IFNB1: variants seen among roughly 807,000 people sequenced by gnomAD.
IFNB1 encodes the protein interferon beta.
For missense variants in IFNB1, 267 were observed against 210.5 expected, an observed-to-expected ratio of 1.27 and a Z score of -1.66; for synonymous variants, 99 against 80.4, an observed-to-expected ratio of 1.23 and a Z score of -1.24.
Position 21,077,164 on chromosome 9 carries a change from C to T in IFNB1, c.*142G>A, listed in dbSNP as rs912255890. ...ATAAAATTTAAATAAATAAAAATAA[C>T]TCATAATTTAATAAAAATTTCAAAA... is the stretch of plus-strand genomic sequence containing the variant. On this transcript the variant is annotated 3_prime_UTR_variant, in exon 1 of 1. Coordinates refer to ENST00000380232, the MANE Select transcript of IFNB1 (RefSeq NM_002176.4). 6.9e-5 allele frequency: 30 copies of T among 435,588 alleles called. 1 individual carries two copies. In the Admixed American group the frequency reaches 1.2e-3, roughly 17 times the overall value. The allele number at this position is 435,588 out of a possible 1,614,324, so 27.0% of individuals were successfully genotyped here.
chr9:21,077,781 A>G lies in IFNB1; in HGVS notation c.89T>C (p.Leu30Pro), dbSNP rs768793364. Residue 30 changes from leucine to proline, a missense_variant, in exon 1 of 1, where the codon CTA (leucine) becomes CCA (proline). Leu to Pro is a moderately conservative substitution (Grantham distance 98). Transcript: ENST00000380232. ...LSMSYNLLGFLQRSSNFQCQK... is the reference protein window; with the variant it reads ...LSMSYNLLGFPQRSSNFQCQK... Reference sequence around the variant, plus strand: ...ACACTGAAAATTGCTGCTTCTTTGTAGGAATCCAAGCAAGTTGTAGCTCAT... The same window carrying G: ...ACACTGAAAATTGCTGCTTCTTTGTGGGAATCCAAGCAAGTTGTAGCTCAT... The G allele has an allele frequency of 4.3e-6, 7 of 1,613,882 alleles. No individual in the cohort carries two copies. In the South Asian group the frequency reaches 6.6e-5, roughly 15 times the overall value.
At position 21,077,284 on chromosome 9, in the gene IFNB1, A is replaced by G; in HGVS notation, c.*22T>C. 6.5e-7 allele frequency: 1 copy of G among 1,542,428 alleles called. No homozygotes were observed. Among genetic ancestry groups the G allele is most frequent in the Non-Finnish European group, 8.9e-7 (1 of 1,125,190 alleles). On this transcript the variant is annotated 3_prime_UTR_variant, in exon 1 of 1. Coordinates refer to ENST00000380232, the MANE Select transcript of IFNB1 (RefSeq NM_002176.4). Reference sequence around the variant, plus strand: ...ATGCTTGAAGCAATTGTCCAGTCCCAGAGGCACAGGCTAGGAGATCTTCAG... The same window carrying G: ...ATGCTTGAAGCAATTGTCCAGTCCCGGAGGCACAGGCTAGGAGATCTTCAG...
chr9:21,077,240 A>G lies in IFNB1; in HGVS notation c.*66T>C, dbSNP rs1444960123. 5 of 1,061,854 alleles carry G rather than the reference A, an allele frequency of 4.7e-6. No homozygotes were observed. Among genetic ancestry groups the G allele is most frequent in the Non-Finnish European group, 7.0e-6 (5 of 712,146 alleles). 65.8% of individuals were successfully genotyped at this position (1,061,854 alleles called of 1,614,324 possible). ...TACATTAGCCATCAGTCACTTAAAC[A>G]GCATCTGCTGGTTGAAGAATGCTTG... is the stretch of plus-strand genomic sequence containing the variant. On this transcript the variant is annotated 3_prime_UTR_variant, in exon 1 of 1. Coordinates refer to ENST00000380232, the MANE Select transcript of IFNB1 (RefSeq NM_002176.4).
chr9:21,077,225 A>G lies in IFNB1; in HGVS notation c.*81T>C, dbSNP rs1339750150. The G allele has an allele frequency of 3.5e-6, 3 of 847,600 alleles. No homozygotes were observed. Among genetic ancestry groups the G allele is most frequent in the East Asian group, 4.9e-5 (2 of 41,186 alleles). 52.5% of individuals were successfully genotyped at this position (847,600 alleles called of 1,614,324 possible). A position where few individuals can be genotyped will look rare whatever the true frequency, so the allele number is the denominator to read the frequency against. Reference sequence around the variant, plus strand: ...TCCTTTCATATGCAGTACATTAGCCATCAGTCACTTAAACAGCATCTGCTG... The same window carrying G: ...TCCTTTCATATGCAGTACATTAGCCGTCAGTCACTTAAACAGCATCTGCTG... On this transcript the variant is annotated 3_prime_UTR_variant, in exon 1 of 1. Coordinates refer to ENST00000380232, the MANE Select transcript of IFNB1 (RefSeq NM_002176.4).
Position 21,077,681 on chromosome 9 carries a change from C to T in IFNB1, c.189G>A (p.Glu63=). The T allele has an allele frequency of 6.2e-7, 1 of 1,613,970 alleles. No individual in the cohort carries two copies. Among genetic ancestry groups the T allele is most frequent in the South Asian group, 1.1e-5 (1 of 91,076 alleles). ...GGAACTGCTGCAGCTGCTTAATCTC[C>T]TCAGGGATGTCAAAGTTCATCCTGT... The part of the protein sequence containing the change: ...LKDRMNFDIP[E]EIKQLQQFQK... Residue 63 remains glutamate (E), a synonymous_variant, in exon 1 of 1, where the codon GAG becomes GAA. Coordinates refer to ENST00000380232, the MANE Select transcript of IFNB1 (RefSeq NM_002176.4).
rs139325335 is a variant in IFNB1, at chr9:21,077,409, A to C, written c.461T>G (p.Leu154Arg). 398 of 1,613,480 alleles carry C rather than the reference A, an allele frequency of 2.5e-4. 1 individual carries two copies. The highest frequency in any genetic ancestry group is 3.0e-4 in the Non-Finnish European group (357 of 1,179,560). ...KRYYGRILHYLKAKEYSHCAW... is the reference protein window; with the variant it reads ...KRYYGRILHYRKAKEYSHCAW... The stretch of plus-strand genomic sequence containing the variant: ...ACAGTGACTGTACTCCTTGGCCTTC[A>C]GGTAATGCAGAATCCTCCCATAATA... The change falls in exon 1 of 1, where the codon CTG becomes CGG. Residue 154 changes from leucine to arginine, a missense_variant. Physicochemically the swap from Leu to Arg is moderately radical, Grantham distance 102 (BLOSUM62 -2). Transcript: ENST00000380232.
Position 21,077,931 on chromosome 9 carries a change from T to G in IFNB1, c.-62A>C. On this transcript the variant is annotated 5_prime_UTR_variant, in exon 1 of 1. Transcript: ENST00000380232. Reference sequence around the variant, plus strand: ...TGCCAGAGCAAAGGCTTCGAAAGGTTGCAGTTAGAATGTCCTTTCTCCATG... The same window carrying G: ...TGCCAGAGCAAAGGCTTCGAAAGGTGGCAGTTAGAATGTCCTTTCTCCATG... 1 of 1,254,120 alleles carries G rather than the reference T, an allele frequency of 8.0e-7. No individual in the cohort carries two copies. Among genetic ancestry groups the G allele is most frequent in the South Asian group, 1.4e-5 (1 of 71,198 alleles). The allele number at this position is 1,254,120 out of a possible 1,614,324, so 77.7% of individuals were successfully genotyped here.
chr9:21,077,252 T>C lies in IFNB1; in HGVS notation c.*54A>G, dbSNP rs534033435. ...CAGTCACTTAAACAGCATCTGCTGG[T>C]TGAAGAATGCTTGAAGCAATTGTCC... On this transcript the variant is annotated 3_prime_UTR_variant, in exon 1 of 1. Transcript: ENST00000380232. 9.0e-6 allele frequency: 11 copies of C among 1,217,970 alleles called. No homozygotes were observed. In the East Asian group the frequency reaches 2.1e-4, roughly 23 times the overall value. 75.4% of individuals were successfully genotyped at this position (1,217,970 alleles called of 1,614,324 possible). A position where few individuals can be genotyped will look rare whatever the true frequency, so the allele number is the denominator to read the frequency against.
Position 21,077,923 on chromosome 9 carries a change from C to G in IFNB1, c.-54G>C, listed in dbSNP as rs867273416. ...ACCTGTTGTGCCAGAGCAAAGGCTT[C>G]GAAAGGTTGCAGTTAGAATGTCCTT... On this transcript the variant is annotated 5_prime_UTR_variant, in exon 1 of 1. Coordinates refer to ENST00000380232, the MANE Select transcript of IFNB1 (RefSeq NM_002176.4). 2 of 1,343,618 alleles carry G rather than the reference C, an allele frequency of 1.5e-6. No individual in the cohort carries two copies. Among genetic ancestry groups the G allele is most frequent in the Non-Finnish European group, 1.0e-6 (1 of 972,380 alleles). The allele number at this position is 1,343,618 out of a possible 1,614,324, so 83.2% of individuals were successfully genotyped here.
At position 21,077,382 on chromosome 9, in the gene IFNB1, G is replaced by A; in HGVS notation, c.488C>T (p.Ala163Val). 1.9e-6 allele frequency: 3 copies of A among 1,613,494 alleles called. No homozygotes were observed. Among genetic ancestry groups the A allele is most frequent in the Non-Finnish European group, 2.5e-6 (3 of 1,179,484 alleles). Residue 163 changes from alanine to valine, a missense_variant, in exon 1 of 1, where the codon GCC becomes GTC. By Grantham distance (64) the Ala-to-Val change is moderately conservative. Transcript: ENST00000380232. ...GATTTCCACTCTGACTATGGTCCAG[G>A]CACAGTGACTGTACTCCTTGGCCTT... ...YLKAKEYSHC[A>V]WTIVRVEILR...
In IFNB1 at chr9:21,077,891, G is replaced by A. The variant is rs370094551; in HGVS notation, c.-22C>T. On this transcript the variant is annotated 5_prime_UTR_variant, in exon 1 of 1. Coordinates refer to ENST00000380232, the MANE Select transcript of IFNB1 (RefSeq NM_002176.4). ...TCATGTTGACAACACGAACAGTGTC[G>A]CCTACTACCTGTTGTGCCAGAGCAA... The A allele has an allele frequency of 4.2e-4, 657 of 1,578,338 alleles. 1 individual carries two copies. The highest frequency in any genetic ancestry group is 5.2e-4 in the Non-Finnish European group (598 of 1,156,820).
chr9:21,077,543 C>T lies in IFNB1; in HGVS notation c.327G>A (p.Leu109=), dbSNP rs1158706077. 6.2e-7 allele frequency: 1 copy of T among 1,613,942 alleles called. No individual in the cohort carries two copies. The highest frequency in any genetic ancestry group is 1.1e-5 in the South Asian group (1 of 91,078). The change falls in exon 1 of 1, where the codon CTG becomes CTA. Residue 109 remains leucine, a synonymous_variant. Transcript: ENST00000380232. The part of the protein sequence containing the change: ...GWNETIVENL[L]ANVYHQINHL... ...GGTTTATCTGATGATAGACATTAGCCAGGAGGTTCTCAACAATAGTCTCAT... is the reference window on the plus strand; with the variant it reads ...GGTTTATCTGATGATAGACATTAGCTAGGAGGTTCTCAACAATAGTCTCAT...
chr9:21,077,196 A>C lies in IFNB1; in HGVS notation c.*110T>G. 1 of 537,564 alleles carries C rather than the reference A, an allele frequency of 1.9e-6. No homozygotes were observed. Among genetic ancestry groups the C allele is most frequent in the Non-Finnish European group, 3.3e-6 (1 of 303,284 alleles). The allele number at this position is 537,564 out of a possible 1,614,324, so 33.3% of individuals were successfully genotyped here. On this transcript the variant is annotated 3_prime_UTR_variant, in exon 1 of 1. Transcript: ENST00000380232. Reference sequence around the variant, plus strand: ...TTTAATAAAAATTTCAAAATCTTCTAGTGTCCTTTCATATGCAGTACATTA... The same window carrying C: ...TTTAATAAAAATTTCAAAATCTTCTCGTGTCCTTTCATATGCAGTACATTA...
Sources: gnomAD v4.1 joint callset for allele counts on GRCh38, gnomAD v4.1.1 for gene constraint, MANE v1.5 for transcripts, NCBI Gene and HGNC (gene_info 2026-07-23, HGNC 2026-07-21) for gene names.